NCKAP5: variants seen among roughly 807,000 people sequenced by gnomAD.
NCKAP5 encodes nck-associated protein 5.
NCKAP5 carries 92 observed loss-of-function variants against 167.0 expected under a neutral mutation model. That is an observed-to-expected ratio of 0.55 (90% confidence interval 0.47 to 0.66). The LOEUF (loss-of-function observed/expected upper bound fraction) is 0.66, where lower values mean the gene tolerates loss of function less well. Among genes scored for constraint, NCKAP5 ranks in the 30% least tolerant of loss-of-function variants. NCKAP5 has a pLI of 0.00. For missense variants in NCKAP5, 2,378 were observed against 2,315.0 expected, an observed-to-expected ratio of 1.03 and a Z score of -0.56; for synonymous variants, 891 against 877.4, an observed-to-expected ratio of 1.02 and a Z score of -0.27.
intron 5 of NCKAP5, among the ~76,000 whole-genome samples, chr2:133,174,625 T>C (rs997062997): frequency 6.6e-6 from 1 of 152,160 alleles, no homozygotes; most frequent in African/African-American, 2.4e-5. Flanking sequence ...TTGCATTCTG[T>C]GTCCTTTTGA....
At chr2:133,245,441 T>C (rs150158830) in intron 4 of NCKAP5, among the ~76,000 whole-genome samples, 4 of 152,230 alleles carry the variant, frequency 2.6e-5, no homozygotes, top group African/African-American at 9.6e-5. Flanking sequence ...AGGTCTAATA[T>C]GGGGAAAAAC....
chr2:133,187,226 G>A (rs191023622), intron 5 of NCKAP5, among the ~76,000 whole-genome samples: 1 of 152,106 alleles, frequency 6.6e-6, no homozygotes, highest in East Asian at 1.9e-4. Flanking sequence ...GAGTTATTCA[G>A]GAGTAGGTTA....
At chr2:133,419,152 C>CT (rs1689310178) in intron 3 of NCKAP5, among the ~76,000 whole-genome samples, 3 of 152,210 alleles carry the variant, frequency 2.0e-5, no homozygotes, top group Admixed American at 2.0e-4. Context: ...GAACCCTCAA[C>CT]TGTGGCAGTC....
intron 3 of NCKAP5, among the ~76,000 whole-genome samples, chr2:133,355,930 T>C (rs1436099897): frequency 1.4e-5 from 2 of 143,026 alleles, no homozygotes; most frequent in African/African-American, 2.6e-5. Context: ...AGTGTTTTTG[T>C]TTTCTGTTTT....
intron 6 of NCKAP5, among the ~76,000 whole-genome samples, chr2:133,067,610 T>G (rs1024628178): frequency 7.9e-5 from 12 of 152,152 alleles, no homozygotes; most frequent in African/African-American, 2.4e-4. Context: ...AAGTGGGAAA[T>G]GATCTACTCA....
chr2:132,690,301 T>G (rs2105127120), intron 19 of NCKAP5, among the ~76,000 whole-genome samples: 1 of 152,324 alleles, frequency 6.6e-6, no homozygotes, highest in African/African-American at 2.4e-5. Context: ...AGGAACTGTG[T>G]CCTGTCCAGG....
At chr2:132,834,589 C>A (rs1459486834) in intron 11 of NCKAP5, among the ~76,000 whole-genome samples, 1 of 152,210 alleles carries the variant, frequency 6.6e-6, no homozygotes, top group Non-Finnish European at 1.5e-5. Flanking sequence ...TTGTGATCTA[C>A]CGACCTCGGC....
chr2:132,769,239 C>T (rs189712745), intron 16 of NCKAP5, among the ~76,000 whole-genome samples: 10 of 152,232 alleles, frequency 6.6e-5, no homozygotes, highest in East Asian at 5.8e-4. Flanking sequence ...TCAGCCACTA[C>T]GCCGGGCCAA....
chr2:133,518,406 G>A (rs1050637449), intron 2 of NCKAP5, among the ~76,000 whole-genome samples: 2 of 116,382 alleles, frequency 1.7e-5, no homozygotes, highest in African/African-American at 6.1e-5. Flanking sequence ...CCAGGCTGGA[G>A]TACAGTGGCA....
At position 132,782,918 on chromosome 2, in the gene NCKAP5, C is replaced by A. The variant is rs545006757; in HGVS notation, c.3893G>T (p.Arg1298Leu). ...TPPIEGSGKV[R>L]TQIITNTAER... The stretch of plus-strand genomic sequence containing the variant: ...GGCGGTATTGGTAATGATCTGAGTG[C>A]GGACTTTGCCTGACCCTTCGATGGG... The change falls in exon 14 of 20, where the codon CGC (arginine) becomes CTC (leucine). Residue 1298 changes from arginine (R) to leucine (L), a missense_variant. Physicochemically the swap from Arg to Leu is moderately radical, Grantham distance 102. Coordinates refer to ENST00000409261, the MANE Select transcript of NCKAP5 (RefSeq NM_207363.3). 2.5e-6 allele frequency: 4 copies of A among 1,613,936 alleles called. No individual in the cohort carries two copies. The highest frequency in any genetic ancestry group is 1.1e-5 in the South Asian group (1 of 91,076).
chr2:133,582,516 T>C, the NCKAP5 span, among the ~76,000 whole-genome samples: 7 of 152,226 alleles, frequency 4.6e-5, no homozygotes, highest in Non-Finnish European at 2.9e-5. Flanking sequence ...GTTAATTCCC[T>C]GCTTCTATAC....
At position 132,824,082 on chromosome 2, in the gene NCKAP5, T is replaced by C. The variant is rs548335467; in HGVS notation, c.808-27353A>G. The stretch of plus-strand genomic sequence containing the variant: ...CTTTTTGGATGTGAATGTTTTCCTC[T>C]TGAAGTTCAGAATAAATAAGGAATA... On this transcript the variant is annotated intron_variant, in intron 11 of 19. Transcript: ENST00000409261. Among the ~76,000 whole-genome samples, 4 of 152,298 alleles carry C rather than the reference T, an allele frequency of 2.6e-5. No individual in the cohort carries two copies. In the East Asian group the frequency reaches 7.7e-4, roughly 29 times the overall value.
chr2:132,916,050 T>G (rs1694848824), intron 8 of NCKAP5, among the ~76,000 whole-genome samples: 1 of 152,044 alleles, frequency 6.6e-6, no homozygotes, highest in Admixed American at 6.6e-5. Flanking sequence ...ATTCTCACTG[T>G]TACCCCAAGG....
chr2:132,963,989 CT>C (rs2076592126), intron 7 of NCKAP5, 120 bp from the exon 8 acceptor site: 2 of 1,144,130 alleles, frequency 1.7e-6, no homozygotes, highest in African/African-American at 1.6e-5. Flanking sequence ...TGGGAGTTTG[CT>C]AAACAAATTC....
intron 2 of NCKAP5, among the ~76,000 whole-genome samples, chr2:133,552,682 A>G (rs1356753754): frequency 6.8e-6 from 1 of 145,990 alleles, no homozygotes. Flanking sequence ...CCAGCATGGC[A>G]CATGTATACA....
chr2:133,022,805 A>G (rs2078571609), intron 6 of NCKAP5, among the ~76,000 whole-genome samples: 1 of 152,148 alleles, frequency 6.6e-6, no homozygotes, highest in Non-Finnish European at 1.5e-5. Context: ...CATCTGTCTT[A>G]CATCAATTTA....
chr2:132,788,786 A>G (rs1683807050), intron 13 of NCKAP5, among the ~76,000 whole-genome samples: 1 of 152,248 alleles, frequency 6.6e-6, no homozygotes, highest in African/African-American at 2.4e-5. Context: ...TTATATAATT[A>G]ATATTCAAAT....
chr2:132,915,396 A>G (rs1419515289), intron 8 of NCKAP5, among the ~76,000 whole-genome samples: 2 of 152,090 alleles, frequency 1.3e-5, no homozygotes, highest in South Asian at 2.1e-4. Flanking sequence ...CTGCTGCTCT[A>G]GTCACCAAAA....
intron 3 of NCKAP5, among the ~76,000 whole-genome samples, chr2:133,351,254 G>A (rs1389395401): frequency 6.6e-6 from 1 of 151,994 alleles, no homozygotes; most frequent in African/African-American, 2.4e-5. Context: ...CCACTCACAG[G>A]GTTTTCTCTG....
Sources: allele counts gnomAD v4.1 joint callset (sites outside exome capture counted in the v4.1 genomes callset), GRCh38; gene constraint gnomAD v4.1.1; transcripts MANE v1.5; gene names NCBI Gene and HGNC (gene_info 2026-07-23, HGNC 2026-07-21).